The following EHBP1 variants were observed in gnomAD, a reference collection of about 807,000 sequenced individuals.
EHBP1 encodes the protein EH domain-binding protein 1.
EHBP1 carries 55 observed loss-of-function variants against 144.0 expected under a neutral mutation model. The ratio of observed to expected loss-of-function variants is 0.38; its 90% CI spans 0.31 to 0.48. The LOEUF (loss-of-function observed/expected upper bound fraction) is 0.48. Among genes scored for constraint, EHBP1 ranks in the 20% least tolerant of loss-of-function variants. The pLI is 0.98. For synonymous variants in EHBP1, 469 were observed against 472.7 expected (o/e 0.99, Z 0.10); for missense variants, 1,200 against 1,364.2 (o/e 0.88, Z 1.90).
chr2:62,951,534 TGG>T (rs70962799), intron 13 of EHBP1, among the ~76,000 whole-genome samples: 21 of 92,330 alleles, frequency 2.3e-4, no homozygotes, highest in South Asian at 8.8e-4. Context: ...TTTTTTTTTT[TGG>T]GGGGGGGGGG....
chr2:62,838,621 AGAATC>A (rs1048536026), intron 7 of EHBP1, among the ~76,000 whole-genome samples: 1 of 151,138 alleles, frequency 6.6e-6, no homozygotes, highest in African/African-American at 2.4e-5. Flanking sequence ...AAAAGAGAGA[AGAATC>A]AAATAGACAC....
intron 19 of EHBP1, among the ~76,000 whole-genome samples, chr2:63,004,918 G>GA (rs1318879347): frequency 6.6e-6 from 1 of 152,042 alleles, no homozygotes; most frequent in Non-Finnish European, 1.5e-5. Context: ...TGGGAAGTGG[G>GA]ATCTAAGAAT....
chr2:62,805,168 A>T (rs915947188), intron 5 of EHBP1, among the ~76,000 whole-genome samples: 13 of 152,252 alleles, frequency 8.5e-5, no homozygotes, highest in Admixed American at 8.5e-4. Context: ...AGAATTTTTC[A>T]TCTAGTTATC....
At chr2:63,014,190 T>C (rs2060387625) in intron 19 of EHBP1, among the ~76,000 whole-genome samples, 2 of 152,198 alleles carry the variant, frequency 1.3e-5, no homozygotes, top group African/African-American at 2.4e-5. Flanking sequence ...AAATACAGGT[T>C]TCTCAGTATT....
In EHBP1 at chr2:63,042,520, A is replaced by G. The variant is rs1205091007; in HGVS notation, c.3278-2546A>G. On this transcript the variant is annotated intron_variant, in intron 21 of 22. Coordinates refer to ENST00000431489, the MANE Select transcript of EHBP1 (RefSeq NM_001142616.3). Reference sequence around the variant, plus strand: ...TAATATTTTAAAAACCTATAAATTTATGCTGGGATATTTTAAATTCTAATG... The same window carrying G: ...TAATATTTTAAAAACCTATAAATTTGTGCTGGGATATTTTAAATTCTAATG... Among the ~76,000 whole-genome samples, 3 of 152,094 alleles carry G rather than the reference A, an allele frequency of 2.0e-5. No homozygotes were observed. In the East Asian group the frequency reaches 5.8e-4, roughly 29 times the overall value.
chr2:62,934,902 T>C lies in EHBP1; in HGVS notation c.1186-7816T>C, dbSNP rs145890936. On this transcript the variant is annotated intron_variant, in intron 10 of 22. Transcript: ENST00000431489. ...CCTATATATTTCCATGGAATTCATG[T>C]TAGGAGAAGGTAAACTTGAGAGCAT... Among the ~76,000 whole-genome samples the C allele has an allele frequency of 8.7e-4, 132 of 152,300 alleles. 2 individuals are homozygous for C. The highest frequency in any genetic ancestry group is 2.9e-3 in the African/African-American group (121 of 41,576).
chr2:62,677,376 A>G (rs1177097074), intron 1 of EHBP1, among the ~76,000 whole-genome samples: 2 of 152,136 alleles, frequency 1.3e-5, no homozygotes, highest in African/African-American at 4.8e-5. Flanking sequence ...TTGTGGGTAT[A>G]CAACAGGTGT....
At chr2:62,949,390 G>A (rs1347466508) in intron 13 of EHBP1, among the ~76,000 whole-genome samples, 3 of 152,026 alleles carry the variant, frequency 2.0e-5, no homozygotes, top group Non-Finnish European at 4.4e-5. Flanking sequence ...GTAACATAGC[G>A]AGTCCCTGTC....
At chr2:63,017,074 C>T (rs150339111) in intron 19 of EHBP1, among the ~76,000 whole-genome samples, 205 of 152,374 alleles carry the variant, frequency 1.3e-3, no homozygotes, top group Middle Eastern at 0.01. Context: ...CTCATCTTCA[C>T]AGCTGGGACC....
chr2:62,917,416 C>G (rs2054716888), intron 10 of EHBP1, among the ~76,000 whole-genome samples: 1 of 152,060 alleles, frequency 6.6e-6, no homozygotes, highest in Non-Finnish European at 1.5e-5. Flanking sequence ...CAGTACGTGA[C>G]TATGTATATT....
rs1037298074 is a variant in EHBP1 at position 62,751,445 on chromosome 2, C to CT, written c.162+4000dup. 2.6e-5 allele frequency among the ~76,000 whole-genome samples: 4 copies of CT among 152,188 alleles called. No homozygotes were observed. In the East Asian group the frequency reaches 7.7e-4, roughly 29 times the overall value. On this transcript the variant is annotated intron_variant, in intron 3 of 22. Transcript: ENST00000431489. Reference sequence around the variant, plus strand: ...ATCAGGGATATTGGTCCAAAATTCTCTTTTTTTGCTGTGTCTGTGCCAGGC... The same window carrying CT: ...ATCAGGGATATTGGTCCAAAATTCTCTTTTTTTTGCTGTGTCTGTGCCAGGC...
chr2:62,977,525 C>T (rs1455774683), intron 14 of EHBP1, among the ~76,000 whole-genome samples: 1 of 152,088 alleles, frequency 6.6e-6, no homozygotes, highest in Non-Finnish European at 1.5e-5. Context: ...GCCCCTCAGC[C>T]AAAAATGTTC....
At chr2:62,676,388 AC>A (rs1271827996) in intron 1 of EHBP1, among the ~76,000 whole-genome samples, 1 of 152,246 alleles carries the variant, frequency 6.6e-6, no homozygotes, top group African/African-American at 2.4e-5. Flanking sequence ...AGATGAATTG[AC>A]ATTGTGCTTT....
At chr2:62,943,884 T>A in intron 12 of EHBP1, 34 bp downstream of exon 12, 1 of 1,543,960 alleles carries the variant, frequency 6.5e-7, no homozygotes, top group Non-Finnish European at 8.9e-7. Flanking sequence ...ATACGTAGTT[T>A]CAATTTTGGC....
intron 10 of EHBP1, among the ~76,000 whole-genome samples, chr2:62,910,595 G>GA (rs975436397): frequency 5.3e-4 from 77 of 145,814 alleles, no homozygotes; most frequent in South Asian, 2.6e-3. Flanking sequence ...TTTGTTGAAT[G>GA]AAAAAAAAAA....
chr2:62,994,620 G>T (rs2059559740), intron 18 of EHBP1, among the ~76,000 whole-genome samples: 1 of 152,044 alleles, frequency 6.6e-6, no homozygotes, highest in South Asian at 2.1e-4. Context: ...TTGAATTTTT[G>T]TCTGGAAGCA....
intron 21 of EHBP1, among the ~76,000 whole-genome samples, chr2:63,042,787 A>T (rs560225910): frequency 6.6e-6 from 1 of 152,062 alleles, no homozygotes; most frequent in African/African-American, 2.4e-5. Context: ...TAAAGCCTTA[A>T]AAGCAACTGG....
chr2:62,909,469 A>G (rs1195362343), intron 10 of EHBP1, among the ~76,000 whole-genome samples: 2 of 152,244 alleles, frequency 1.3e-5, no homozygotes, highest in Non-Finnish European at 2.9e-5. Flanking sequence ...GGTGTGAGCC[A>G]CCATGCTCTG....
chr2:62,855,566 C>A (rs957102039), intron 7 of EHBP1, among the ~76,000 whole-genome samples: 3 of 152,146 alleles, frequency 2.0e-5, no homozygotes, highest in Admixed American at 6.5e-5. Context: ...GGTTGTGGTG[C>A]TTTTTCCAGG....
Sources: gnomAD v4.1 joint callset for allele counts (sites outside exome capture counted in the v4.1 genomes callset) on GRCh38, gnomAD v4.1.1 for gene constraint, MANE v1.5 for transcripts, NCBI Gene and HGNC (gene_info 2026-07-23, HGNC 2026-07-21) for gene names.